CES5A: variants seen among roughly 807,000 people sequenced by gnomAD.
CES5A encodes the protein carboxylesterase 5.
Under a neutral mutation model 62.9 loss-of-function variants are expected in CES5A, and 67 were observed. The observed-to-expected ratio is 1.07, with a 90% CI of 0.88 to 1.31. The LOEUF (loss-of-function observed/expected upper bound fraction) is 1.31, where lower values mean the gene tolerates loss of function less well. Ranked by LOEUF, CES5A falls within the 50% of genes most tolerant of loss-of-function variation. The probability of loss-of-function intolerance (pLI) is 0.00; values close to 1 mark genes in which losing one functional copy is unlikely to be tolerated. For missense variants in CES5A, 748 were observed against 708.5 expected (o/e 1.06, Z -0.63); for synonymous variants, 296 against 280.8 (o/e 1.05, Z -0.54).
Position 55,943,428 on chromosome 16 carries a change from C to CA in CES5A, c.160+6356dup, listed in dbSNP as rs1192325208. Among the ~76,000 whole-genome samples the CA allele has an allele frequency of 2.0e-4, 30 of 152,234 alleles. 1 individual carries two copies. Among genetic ancestry groups the CA allele is most frequent in the Admixed American group, 1.8e-3 (27 of 15,284 alleles). On this transcript the variant is annotated intron_variant, in intron 2 of 13. Coordinates refer to the CES5A transcript ENST00000521992. Reference sequence around the variant, plus strand: ...GACTCCACAGCCAGTGCTCCTTATGCAATGCCTTGTTTTTCAACGTGTTAT... The same window carrying CA: ...GACTCCACAGCCAGTGCTCCTTATGCAAATGCCTTGTTTTTCAACGTGTTAT...
In CES5A at chr16:55,918,147, G is replaced by C. The variant is rs556399044; in HGVS notation, c.-256+7176C>G. 1.8e-4 allele frequency among the ~76,000 whole-genome samples: 27 copies of C among 152,230 alleles called. No homozygotes were observed. The South Asian group carries it at 5.4e-3, about 30-fold the overall frequency. On this transcript the variant is annotated intron_variant, in intron 1 of 12. Transcript: ENST00000518005. ...GCTTGACCCCATGCTCTTCTATTTT[G>C]TGTCCAGCTTGTCTTTCTAATGGTA...
At chr16:55,854,704 T>C (rs1269985910) in intron 9 of CES5A, among the ~76,000 whole-genome samples, 2 of 150,916 alleles carry the variant, frequency 1.3e-5, no homozygotes, top group Non-Finnish European at 3.0e-5. Flanking sequence ...GCTAATTTTT[T>C]TATTTTTTGT....
At chr16:55,871,899 C>G (rs1217169053) in intron 2 of CES5A, 136 bp from the exon 3 acceptor site, 5 of 775,826 alleles carry the variant, frequency 6.4e-6, no homozygotes. Flanking sequence ...GGTACAAAGT[C>G]CAATCATGCC....
At chr16:55,853,336 C>A (rs1311058122) in intron 9 of CES5A, among the ~76,000 whole-genome samples, 1 of 152,210 alleles carries the variant, frequency 6.6e-6, no homozygotes, top group African/African-American at 2.4e-5. Flanking sequence ...CACTTCTGGG[C>A]AGAACTGGCT....
chr16:55,955,600 G>A (rs1015837310), intron 1 of CES5A, among the ~76,000 whole-genome samples: 2 of 152,178 alleles, frequency 1.3e-5, no homozygotes, highest in Admixed American at 6.5e-5. Flanking sequence ...TACCAGTATG[G>A]CCTCTCTAAG....
intron 1 of CES5A, among the ~76,000 whole-genome samples, chr16:55,884,592 C>T (rs986989484): frequency 7.0e-6 from 1 of 143,816 alleles, no homozygotes; most frequent in Non-Finnish European, 1.6e-5. Flanking sequence ...CACCACTAAA[C>T]TTCTTCCTTT....
intron 1 of CES5A, chr16:55,949,930 TAAACATTGATGATAAC>T: frequency 9.8e-7 from 1 of 1,021,522 alleles, no homozygotes; most frequent in Non-Finnish European, 1.4e-6. Flanking sequence ...ATAATAATAA[TAAACATTGATGATAAC>T]AATAATATAA....
At chr16:55,870,417 G>T (rs1252487654) in intron 3 of CES5A, among the ~76,000 whole-genome samples, 1 of 152,006 alleles carries the variant, frequency 6.6e-6, no homozygotes, top group African/African-American at 2.4e-5. Flanking sequence ...GAAAGAGGAA[G>T]GGTCAGGCAC....
At chr16:55,946,366 A>T (rs1379610083) in intron 2 of CES5A, among the ~76,000 whole-genome samples, 1 of 152,160 alleles carries the variant, frequency 6.6e-6, no homozygotes, top group Non-Finnish European at 1.5e-5. Context: ...TGAAAAAAAA[A>T]TGGGAAAGAA....
intron 3 of CES5A, among the ~76,000 whole-genome samples, chr16:55,871,390 G>T (rs1180654108): frequency 6.6e-6 from 1 of 152,018 alleles, no homozygotes; most frequent in Non-Finnish European, 1.5e-5. Flanking sequence ...GCAACAGAGG[G>T]GAAAACAAAA....
intron 6 of CES5A, among the ~76,000 whole-genome samples, chr16:55,862,446 T>A (rs1438097909): frequency 6.6e-5 from 10 of 152,318 alleles, no homozygotes; most frequent in Non-Finnish European, 1.3e-4. Context: ...AAATTTAGGA[T>A]GTGCTTTCTC....
intron 1 of CES5A, among the ~76,000 whole-genome samples, chr16:55,909,079 A>G (rs1260933608): frequency 1.3e-5 from 2 of 152,214 alleles, no homozygotes; most frequent in Non-Finnish European, 2.9e-5. Flanking sequence ...AAGTGATGGG[A>G]TTTGTAACAA....
intron 2 of CES5A, among the ~76,000 whole-genome samples, chr16:55,940,466 A>C (rs1167014214): frequency 2.0e-5 from 3 of 152,064 alleles, no homozygotes; most frequent in South Asian, 2.1e-4. Context: ...CACAAAAAAC[A>C]AAACTCATCC....
rs752414452 is a variant in CES5A at position 55,859,644 on chromosome 16, G to T, written c.959C>A (p.Pro320His). Residue 320 changes from proline to histidine, a missense_variant, in exon 8 of 13, where the codon CCT becomes CAT. Physicochemically the swap from Pro to His is moderately conservative, Grantham distance 77. Coordinates refer to ENST00000290567, the MANE Select transcript of CES5A (RefSeq NM_001143685.2). ...AGACAATAGATCTAGAGGCTCATTA[G>T]GAAAGAAAGCACCATCAACCACTCG... The part of the protein sequence containing the change: ...FTRVVDGAFF[P>H]NEPLDLLSQK... 6.2e-7 allele frequency: 1 copy of T among 1,612,822 alleles called. No individual in the cohort carries two copies. The highest frequency in any genetic ancestry group is 1.1e-5 in the South Asian group (1 of 90,768).
chr16:55,891,230 T>C (rs1041219189), intron 1 of CES5A, among the ~76,000 whole-genome samples: 19 of 152,232 alleles, frequency 1.2e-4, no homozygotes, highest in African/African-American at 3.9e-4. Context: ...AGGAGCCACA[T>C]GTCCGGAATA....
chr16:55,899,502 G>C (rs1469817859), intron 1 of CES5A, among the ~76,000 whole-genome samples: 1 of 152,168 alleles, frequency 6.6e-6, no homozygotes, highest in African/African-American at 2.4e-5. Flanking sequence ...TCAGGATTCT[G>C]GGTCTATCTG....
intron 5 of CES5A, among the ~76,000 whole-genome samples, chr16:55,863,936 T>C (rs1196601923): frequency 6.6e-6 from 1 of 152,040 alleles, no homozygotes; most frequent in Non-Finnish European, 1.5e-5. Context: ...TTTGTATTTT[T>C]AGCAGAGACG....
rs144158870 is a variant in CES5A at position 55,910,072 on chromosome 16, G to A, written c.-256+15251C>T. The stretch of plus-strand genomic sequence containing the variant: ...GAGCCCGACATGCCATTTGGACACT[G>A]GCAATATCAGATGTGTGAGAAGGGA... On this transcript the variant is annotated intron_variant, in intron 1 of 12. Coordinates refer to the CES5A transcript ENST00000518005. Among the ~76,000 whole-genome samples, 283 of 152,242 alleles carry A rather than the reference G, an allele frequency of 1.9e-3. 2 individuals are homozygous for A. Among genetic ancestry groups the A allele is most frequent in the African/African-American group, 6.2e-3 (256 of 41,556 alleles).
intron 1 of CES5A, among the ~76,000 whole-genome samples, chr16:55,950,874 A>T (rs2034548170): frequency 6.6e-6 from 1 of 152,024 alleles, no homozygotes; most frequent in Non-Finnish European, 1.5e-5. Context: ...AGGCCAAGGC[A>T]GATGGATCAC....
Sources: gnomAD v4.1 joint callset for allele counts (sites outside exome capture counted in the v4.1 genomes callset) on GRCh38, gnomAD v4.1.1 for gene constraint, MANE v1.5 for transcripts, NCBI Gene and HGNC (gene_info 2026-07-23, HGNC 2026-07-21) for gene names.